UBE3B: variants seen among roughly 807,000 people sequenced by gnomAD.
UBE3B encodes ubiquitin protein ligase E3B.
In UBE3B, 80 loss-of-function variants were observed where a neutral mutation model predicts 132.3. The observed-to-expected ratio is 0.60, with a 90% CI of 0.50 to 0.73. The LOEUF is 0.73. Ranked by LOEUF, UBE3B falls within the 30% of genes least tolerant of loss-of-function variation. UBE3B has a pLI of 0.00. For missense variants in UBE3B, 1,196 were observed against 1,362.5 expected (o/e 0.88, Z 1.92); for synonymous variants, 487 against 520.4 (o/e 0.94, Z 0.87).
In UBE3B at chr12:109,507,601, G is replaced by A; in HGVS notation, c.1488G>A (p.Trp496Ter). The change falls in exon 15 of 28, where the codon TGG becomes TGA. Residue 496 changes from tryptophan (W) to a stop codon, truncating the protein, a stop_gained. Transcript: ENST00000342494. LOFTEE classifies it high-confidence loss of function. ...TTGATGACCTGCTTCCCAAACTGTG[G>A]GCATTTATCTGTGAGCTCGGGCCCC... ...TYLDDLLPKL[W>*]AFICELGPHG... The A allele has an allele frequency of 6.2e-7, 1 of 1,613,994 alleles. No individual in the cohort carries two copies. Among genetic ancestry groups the A allele is most frequent in the South Asian group, 1.1e-5 (1 of 91,060 alleles).
chr12:109,526,515 G>C, intron 24 of UBE3B, 99 bp downstream of exon 24: 8 of 1,233,282 alleles, frequency 6.5e-6, no homozygotes, highest in Non-Finnish European at 9.4e-6. Context: ...GATTGAAGTA[G>C]AAAGAGGCCA....
At chr12:109,488,690 A>G in intron 7 of UBE3B, 22 bp downstream of exon 7, 3 of 1,605,972 alleles carry the variant, frequency 1.9e-6, no homozygotes, top group Non-Finnish European at 1.7e-6. Context: ...TTGCTTCAAA[A>G]TGTTCTCTAA....
At chr12:109,497,223 C>T (rs557614886) in intron 9 of UBE3B, among the ~76,000 whole-genome samples, 2 of 151,892 alleles carry the variant, frequency 1.3e-5, no homozygotes, top group South Asian at 4.1e-4. Context: ...ACATTGTTAA[C>T]TTTATCTGTC....
At chr12:109,537,783 C>T (rs1305967997), downstream of UBE3B, among the ~76,000 whole-genome samples, 1 of 152,164 alleles carries the variant, frequency 6.6e-6, no homozygotes, top group Non-Finnish European at 1.5e-5. Context: ...CAGCTCACTG[C>T]AGGCTCCGTC....
chr12:109,489,843 C>T, intron 7 of UBE3B, 76 bp from the exon 8 acceptor site: 2 of 1,378,202 alleles, frequency 1.5e-6, no homozygotes, highest in Non-Finnish European at 2.1e-6. Flanking sequence ...GGATGTGGGA[C>T]ACAATTTCCT....
At chr12:109,527,758 G>T (rs776995115) in intron 24 of UBE3B, among the ~76,000 whole-genome samples, 11 of 152,216 alleles carry the variant, frequency 7.2e-5, no homozygotes, top group Non-Finnish European at 1.3e-4. Context: ...GGTGAGTCCT[G>T]CCCCTGCCTG....
Position 109,499,714 on chromosome 12 carries a change from C to A in UBE3B, c.1022C>A (p.Thr341Lys). The A allele has an allele frequency of 6.2e-7, 1 of 1,613,576 alleles. No homozygotes were observed. Among genetic ancestry groups the A allele is most frequent in the East Asian group, 2.2e-5 (1 of 44,818 alleles). The change falls in exon 12 of 28, where the codon ACG (threonine) becomes AAG (lysine). Residue 341 changes from threonine (T) to lysine (K), a missense_variant. Transcript: ENST00000342494. ...TDGFVSLLTQ[T>K]LCYCRKYVSQ... ...GGGTTCGTGAGTTTGCTCACCCAGA[C>A]GCTGTGCTACTGTCGGAAGTATGTG...
chr12:109,510,481 G>C (rs769137229), intron 17 of UBE3B, 23 bp downstream of exon 17: 3 of 1,587,748 alleles, frequency 1.9e-6, no homozygotes, highest in Admixed American at 3.5e-5. Context: ...GGTGAGGAGG[G>C]CTCCATGGAA....
chr12:109,543,735 A>T, the UBE3B span, among the ~76,000 whole-genome samples: 18 of 152,174 alleles, frequency 1.2e-4, no homozygotes, highest in Admixed American at 5.2e-4. Flanking sequence ...CTGGAGGCTG[A>T]GGCAGGAGAA....
At chr12:109,547,019 G>A in the UBE3B span, among the ~76,000 whole-genome samples, 16 of 152,300 alleles carry the variant, frequency 1.1e-4, no homozygotes, top group African/African-American at 3.9e-4. The surrounding 1 kb of genome is among the most constrained non-coding windows in gnomAD (Gnocchi z 4.1). Context: ...CGGATTCAGA[G>A]TATTTTGAGA....
Position 109,521,635 on chromosome 12 carries a change from C to A in UBE3B, c.2364+84C>A. The A allele has an allele frequency of 7.7e-7, 1 of 1,295,678 alleles. No homozygotes were observed. The highest frequency in any genetic ancestry group is 1.1e-6 in the Non-Finnish European group (1 of 951,414). 80.3% of individuals were successfully genotyped at this position (1,295,678 alleles called of 1,614,324 possible). On this transcript the variant is annotated intron_variant, in intron 21 of 27. Transcript: ENST00000342494. This position sits in a 1 kb window ranked among gnomAD's most constrained non-coding sequence, Gnocchi z 4.2. ...CTTCACATACACATATGTGATCAGG[C>A]TTGGCCATGTAAACTGTCACTAGGA...
chr12:109,509,464 T>G, intron 15 of UBE3B, 132 bp from the exon 16 acceptor site: 1 of 595,298 alleles, frequency 1.7e-6, no homozygotes, highest in African/African-American at 1.9e-5. Context: ...TATCTGTAGA[T>G]TTTACAGTAA....
chr12:109,532,677 A>G (rs185002820), intron 26 of UBE3B, among the ~76,000 whole-genome samples: 2 of 152,334 alleles, frequency 1.3e-5, no homozygotes, highest in East Asian at 3.9e-4. Context: ...CATTTGCAGG[A>G]ATAACGCAGG....
intron 4 of UBE3B, among the ~76,000 whole-genome samples, chr12:109,484,254 TAA>T (rs1253546740): frequency 1.3e-5 from 2 of 152,184 alleles, no homozygotes; most frequent in East Asian, 3.9e-4. Flanking sequence ...ATATATGAGA[TAA>T]AACATAATAC....
intron 15 of UBE3B, chr12:109,508,737 C>T (rs755700009): frequency 1.0e-6 from 1 of 985,430 alleles, no homozygotes; most frequent in Non-Finnish European, 1.2e-6. Context: ...AAGAGTGAAT[C>T]TTATTCTAGT....
intron 11 of UBE3B, among the ~76,000 whole-genome samples, chr12:109,499,059 A>G (rs1047312306): frequency 6.6e-6 from 1 of 152,008 alleles, no homozygotes; most frequent in African/African-American, 2.4e-5. Context: ...TTGGGCTCGA[A>G]CAATCCACAC....
At position 109,534,563 on chromosome 12, in the gene UBE3B, A is replaced by C. The variant is rs1318865982; in HGVS notation, c.3016-28A>C. ...TGGGCTCCCAAACTAGGCCCTTCCC[A>C]ATTCAAGGCCACGATGTGTGCCTTC... is the stretch of plus-strand genomic sequence containing the variant. On this transcript the variant is annotated intron_variant, in intron 27 of 27. Transcript: ENST00000342494. This position sits in a 1 kb window ranked among gnomAD's most constrained non-coding sequence, Gnocchi z 5.2. The C allele has an allele frequency of 3.8e-6, 6 of 1,579,080 alleles. No homozygotes were observed. The East Asian group carries it at 1.1e-4, about 30-fold the overall frequency.
At chr12:109,498,861 T>A (rs1337694367) in intron 11 of UBE3B, among the ~76,000 whole-genome samples, 1 of 152,006 alleles carries the variant, frequency 6.6e-6, no homozygotes, top group African/African-American at 2.4e-5. Flanking sequence ...GGTCTCACTT[T>A]GTCACCCAGG....
In UBE3B at chr12:109,521,031, C is replaced by G; in HGVS notation, c.2077-117C>G. ...CGGCTCCTGTCATGCATCCACGTTT[C>G]ATAATTTGCACATTTGGTAATGATG... On this transcript the variant is annotated intron_variant, in intron 19 of 27. Coordinates refer to ENST00000342494, the MANE Select transcript of UBE3B (RefSeq NM_130466.4). The surrounding 1 kb of genome is among the most constrained non-coding windows in gnomAD (Gnocchi z 4.2). 4.9e-6 allele frequency: 6 copies of G among 1,215,670 alleles called. No individual in the cohort carries two copies. The highest frequency in any genetic ancestry group is 5.8e-6 in the Non-Finnish European group (5 of 868,224). 75.3% of individuals were successfully genotyped at this position (1,215,670 alleles called of 1,614,324 possible). A position where few individuals can be genotyped will look rare whatever the true frequency, so the allele number is the denominator to read the frequency against.
Sources: gnomAD v4.1 joint callset for allele counts (sites outside exome capture counted in the v4.1 genomes callset) on GRCh38, gnomAD v4.1.1 for gene constraint, Gnocchi (gnomAD v3.1) non-coding constraint, MANE v1.5 for transcripts, NCBI Gene and HGNC (gene_info 2026-07-23, HGNC 2026-07-21) for gene names.